The following PDE1A variants were observed in gnomAD, a reference collection of about 807,000 sequenced individuals.
PDE1A encodes phosphodiesterase 1A.
A neutral mutation model predicts 61.7 loss-of-function variants in PDE1A; 35 were observed. The observed-to-expected ratio is 0.57, with a 90% CI of 0.43 to 0.75. PDE1A has a LOEUF of 0.75. Among genes scored for constraint, PDE1A ranks in the 30% least tolerant of loss-of-function variants. The pLI is 0.00. For synonymous variants in PDE1A, 232 were observed against 213.2 expected, an observed-to-expected ratio of 1.09 and a Z score of -0.77; for missense variants, 597 against 630.6, an observed-to-expected ratio of 0.95 and a Z score of 0.57.
chr2:182,292,280 C>G (rs1694588888), intron 1 of PDE1A, among the ~76,000 whole-genome samples: 1 of 151,804 alleles, frequency 6.6e-6, no homozygotes, highest in Admixed American at 6.6e-5. Flanking sequence ...TTTATGTTGA[C>G]CTATATTTTA....
intron 8 of PDE1A, among the ~76,000 whole-genome samples, chr2:182,203,324 A>C (rs201452646): frequency 3.3e-5 from 5 of 151,756 alleles, no homozygotes; most frequent in African/African-American, 4.8e-5. Context: ...CGTCTGAAAA[A>C]AAAACAAAAC....
the PDE1A span, among the ~76,000 whole-genome samples, chr2:182,638,472 G>A: frequency 6.6e-6 from 1 of 152,088 alleles, no homozygotes; most frequent in Non-Finnish European, 1.5e-5. Context: ...GGAGGCAGAG[G>A]TTGCAGTGAG....
At chr2:182,526,150 C>T (rs906634633), upstream of PDE1A, among the ~76,000 whole-genome samples, 2 of 152,100 alleles carry the variant, frequency 1.3e-5, no homozygotes, top group Non-Finnish European at 2.9e-5. Flanking sequence ...TATGTTTTCA[C>T]TGACAAGAAA....
At chr2:182,631,784 G>T in the PDE1A span, among the ~76,000 whole-genome samples, 1 of 152,170 alleles carries the variant, frequency 6.6e-6, no homozygotes. Context: ...TCACATGGAA[G>T]TATTCCTCTG....
chr2:182,696,527 T>A, the PDE1A span, among the ~76,000 whole-genome samples: 2 of 152,198 alleles, frequency 1.3e-5, no homozygotes, highest in African/African-American at 4.8e-5. Flanking sequence ...GTGAGACTAC[T>A]CTGTATGACA....
chr2:182,505,060 G>A (rs189744026), intron 2 of PDE1A, among the ~76,000 whole-genome samples: 1 of 152,268 alleles, frequency 6.6e-6, no homozygotes, highest in Admixed American at 6.5e-5. Context: ...CTGACTCACT[G>A]CAATTGGGAA....
At chr2:182,386,063 C>A (rs1368789555) in intron 1 of PDE1A, among the ~76,000 whole-genome samples, 2 of 152,192 alleles carry the variant, frequency 1.3e-5, no homozygotes, top group Non-Finnish European at 2.9e-5. Context: ...CTGTGTTGGC[C>A]GGGCTGGTCC....
the PDE1A span, among the ~76,000 whole-genome samples, chr2:182,667,834 C>A: frequency 1.3e-5 from 2 of 152,200 alleles, no homozygotes; most frequent in African/African-American, 4.8e-5. Context: ...GTTCCAAAAT[C>A]TCTTTCTTTC....
chr2:182,465,122 T>C (rs1193311431), intron 2 of PDE1A, among the ~76,000 whole-genome samples: 1 of 152,178 alleles, frequency 6.6e-6, no homozygotes, highest in Non-Finnish European at 1.5e-5. Context: ...TAAACTGTGA[T>C]GGCTAGCGAA....
At chr2:182,462,379 T>C (rs866471512) in intron 2 of PDE1A, among the ~76,000 whole-genome samples, 45 of 151,570 alleles carry the variant, frequency 3.0e-4, no homozygotes, top group South Asian at 1.0e-3. Context: ...TATATATATA[T>C]ACATATGTAT....
chr2:182,235,914 T>C (rs1689974159), intron 3 of PDE1A, among the ~76,000 whole-genome samples: 1 of 152,256 alleles, frequency 6.6e-6, no homozygotes, highest in Non-Finnish European at 1.5e-5. Context: ...GACATATTAC[T>C]CAGTTTCTAT....
intron 13 of PDE1A, among the ~76,000 whole-genome samples, chr2:182,157,699 C>T (rs1691171177): frequency 6.6e-6 from 1 of 152,142 alleles, no homozygotes; most frequent in African/African-American, 2.4e-5. Context: ...AAGAACAAGT[C>T]ATCAAATGCT....
At chr2:182,442,712 T>G (rs1465066885) in intron 2 of PDE1A, among the ~76,000 whole-genome samples, 1 of 152,058 alleles carries the variant, frequency 6.6e-6, no homozygotes, top group Admixed American at 6.6e-5. Flanking sequence ...AACTTTAAAA[T>G]TACACTAAAT....
chr2:182,551,527 C>A, the PDE1A span, among the ~76,000 whole-genome samples: 1 of 152,156 alleles, frequency 6.6e-6, no homozygotes. Context: ...CTACTCCCAA[C>A]TTCAGGTCCA....
chr2:182,189,981 CATT>C (rs957077751), intron 10 of PDE1A, among the ~76,000 whole-genome samples: 5 of 152,306 alleles, frequency 3.3e-5, no homozygotes, highest in Admixed American at 2.6e-4. Context: ...AGCCTTGCAT[CATT>C]AAGTCCATAA....
chr2:182,538,602 T>G, the PDE1A span, among the ~76,000 whole-genome samples: 1 of 152,222 alleles, frequency 6.6e-6, no homozygotes, highest in African/African-American at 2.4e-5. Context: ...ATTTCACTTT[T>G]AATTATAAAA....
chr2:182,201,664 C>A lies in PDE1A; in HGVS notation c.1004+24G>T, dbSNP rs200353420. On this transcript the variant is annotated intron_variant, in intron 9 of 13. Coordinates refer to ENST00000351439, the Ensembl canonical transcript of PDE1A. Reference sequence around the variant, plus strand: ...CTTTAACATGACAAAAAAAAAAAAACAACAAAAAAAACACAAAACCTACCC... The same window carrying A: ...CTTTAACATGACAAAAAAAAAAAAAAAACAAAAAAAACACAAAACCTACCC... The A allele has an allele frequency of 0.047, 40,196 of 863,872 alleles. 904 individuals carry two copies. The highest frequency in any genetic ancestry group is 0.097 in the Middle Eastern group (344 of 3,538). 53.5% of individuals were successfully genotyped at this position (863,872 alleles called of 1,614,324 possible).
At chr2:182,405,578 C>T (rs993677210) in intron 1 of PDE1A, among the ~76,000 whole-genome samples, 3 of 152,178 alleles carry the variant, frequency 2.0e-5, no homozygotes, top group Non-Finnish European at 2.9e-5. Flanking sequence ...AAAAACTACA[C>T]TCACCAAATC....
intron 2 of PDE1A, 78 bp downstream of exon 2, chr2:182,264,223 G>T: frequency 1.1e-6 from 1 of 915,604 alleles, no homozygotes; most frequent in South Asian, 1.8e-5. Context: ...TCCTGTTTGA[G>T]ATAAAGGAGG....
Sources: gnomAD v4.1 joint callset for allele counts (sites outside exome capture counted in the v4.1 genomes callset) on GRCh38, gnomAD v4.1.1 for gene constraint, MANE v1.5 for transcripts, NCBI Gene and HGNC (gene_info 2026-07-23, HGNC 2026-07-21) for gene names.